ZHX3: variants seen among roughly 807,000 people sequenced by gnomAD.
The protein encoded by ZHX3 is zinc fingers and homeoboxes protein 3.
A neutral mutation model predicts 64.5 loss-of-function variants in ZHX3; 20 were observed. That is an observed-to-expected ratio of 0.31 (90% CI 0.22 to 0.45). ZHX3 has a LOEUF of 0.45. Ranked by LOEUF, ZHX3 falls within the 20% of genes least tolerant of loss-of-function variation. The pLI, the probability that ZHX3 is intolerant of heterozygous loss-of-function variation, is 1.00. For missense variants in ZHX3, 1,041 were observed against 1,195.8 expected (o/e 0.87, Z 1.91); for synonymous variants, 423 against 461.6 (o/e 0.92, Z 1.07).
intron 1 of ZHX3, among the ~76,000 whole-genome samples, chr20:41,276,435 T>G (rs1019991548): frequency 1.3e-5 from 2 of 152,134 alleles, no homozygotes; most frequent in Admixed American, 1.3e-4. Flanking sequence ...CTCAGTATAG[T>G]CAAGGCTCAG....
chr20:41,214,606 C>T (rs1382462674), intron 2 of ZHX3, among the ~76,000 whole-genome samples: 1 of 152,202 alleles, frequency 6.6e-6, no homozygotes, highest in Non-Finnish European at 1.5e-5. Context: ...CCCATATCCC[C>T]ACCACCTGGA....
chr20:41,188,677 A>G (rs968336017), intron 3 of ZHX3: 1 of 152,104 alleles, frequency 6.6e-6, no homozygotes. Context: ...TTGGGATTAT[A>G]GGTGTTAGCC....
At chr20:41,314,057 C>T (rs1257916349) in intron 1 of ZHX3, among the ~76,000 whole-genome samples, 4 of 152,156 alleles carry the variant, frequency 2.6e-5, no homozygotes, top group African/African-American at 9.6e-5. Flanking sequence ...TAAGAAGCAA[C>T]TGTTTTTTTC....
At chr20:41,284,189 C>A (rs1314525960) in intron 1 of ZHX3, among the ~76,000 whole-genome samples, 1 of 152,088 alleles carries the variant, frequency 6.6e-6, no homozygotes, top group African/African-American at 2.4e-5. Flanking sequence ...AGCTGTTTAC[C>A]AAATAAATGC....
chr20:41,209,359 A>C (rs948922327), intron 2 of ZHX3, among the ~76,000 whole-genome samples: 97 of 152,254 alleles, frequency 6.4e-4, no homozygotes, highest in Admixed American at 5.0e-3. Context: ...CATATGGAAC[A>C]AAAAAAGAGC....
intron 2 of ZHX3, among the ~76,000 whole-genome samples, chr20:41,264,415 C>T (rs1278402294): frequency 2.0e-5 from 3 of 148,758 alleles, no homozygotes; most frequent in South Asian, 4.3e-4. Context: ...AAAAGTTAGC[C>T]GGGCATGGTG....
At chr20:41,306,741 G>T (rs2044991384) in intron 1 of ZHX3, among the ~76,000 whole-genome samples, 1 of 152,236 alleles carries the variant, frequency 6.6e-6, no homozygotes, top group Non-Finnish European at 1.5e-5. Flanking sequence ...TAAACAAAAA[G>T]GAAATGCTAT....
At position 41,204,624 on chromosome 20, in the gene ZHX3, G is replaced by A; in HGVS notation, c.293C>T (p.Ser98Leu). ...DMTQFVGHMN[S>L]EHTDFNKDPT... ...GTCTTTATTAAAGTCTGTGTGCTCT[G>A]AGTTCATATGTCCCACAAATTGGGT... Residue 98 changes from serine to leucine, a missense_variant, in exon 3 of 4, where the codon TCA becomes TTA. Ser to Leu is a moderately radical substitution (Grantham distance 145). Coordinates refer to ENST00000683867, the MANE Select transcript of ZHX3 (RefSeq NM_001384317.1). This position sits in a 1 kb window ranked among gnomAD's most constrained non-coding sequence, Gnocchi z 6.6. 6.2e-7 allele frequency: 1 copy of A among 1,614,252 alleles called. No homozygotes were observed. The highest frequency in any genetic ancestry group is 8.5e-7 in the Non-Finnish European group (1 of 1,180,050).
In ZHX3 at chr20:41,226,736, C is replaced by A. The variant is rs1333376459; in HGVS notation, c.-150-21670G>T. Among the ~76,000 whole-genome samples the A allele has an allele frequency of 6.6e-6, 1 of 152,110 alleles. No homozygotes were observed. The highest frequency in any genetic ancestry group is 6.5e-5 in the Admixed American group (1 of 15,276). On this transcript the variant is annotated intron_variant, in intron 2 of 3. Transcript: ENST00000683867. This position sits in a 1 kb window ranked among gnomAD's most constrained non-coding sequence, Gnocchi z 4.4. ...CTATTTTCAAGTGAATTCAACAGGT[C>A]AAATTTAAAATTTATTTTACTTGTC...
Position 41,204,781 on chromosome 20 carries a change from A to T in ZHX3, c.136T>A (p.Ser46Thr). Residue 46 changes from serine to threonine, a missense_variant, in exon 3 of 4, where the codon TCT becomes ACT. Ser to Thr is a moderately conservative substitution (Grantham distance 58, BLOSUM62 1). Around this residue, in one of 4 missense-constraint regions of ZHX3, gnomAD observed 358 missense variants for 369.1 expected, o/e 0.97. Transcript: ENST00000683867. This position sits in a 1 kb window ranked among gnomAD's most constrained non-coding sequence, Gnocchi z 6.6. Reference sequence around the variant, plus strand: ...TGTGCTGCCTCACTGCTGGCAGCAGATGCTTCTGGGGGCAGATCCTGCTGG... The same window carrying T: ...TGTGCTGCCTCACTGCTGGCAGCAGTTGCTTCTGGGGGCAGATCCTGCTGG... ...GPQQDLPPEA[S>T]AASSEAAQNP... The T allele has an allele frequency of 1.2e-6, 2 of 1,614,016 alleles. No individual in the cohort carries two copies. The highest frequency in any genetic ancestry group is 1.7e-6 in the Non-Finnish European group (2 of 1,179,870).
At chr20:41,283,823 T>C (rs1175880119) in intron 1 of ZHX3, among the ~76,000 whole-genome samples, 1 of 152,028 alleles carries the variant, frequency 6.6e-6, no homozygotes, top group East Asian at 1.9e-4. Flanking sequence ...GATCACACTC[T>C]CCAGTCTCCA....
intron 1 of ZHX3, among the ~76,000 whole-genome samples, chr20:41,316,523 T>C (rs1279163869): frequency 6.6e-6 from 1 of 152,252 alleles, no homozygotes; most frequent in Non-Finnish European, 1.5e-5. Context: ...TGGAAACTAC[T>C]GTAATCCTTT....
intron 3 of ZHX3, among the ~76,000 whole-genome samples, chr20:41,197,874 T>C (rs1403689229): frequency 2.6e-5 from 4 of 152,158 alleles, no homozygotes; most frequent in African/African-American, 9.7e-5. Flanking sequence ...CCCATTAATA[T>C]AGATTTATAA....
chr20:41,201,996 A>AC lies in ZHX3; in HGVS notation c.2860+60dup, dbSNP rs1388500244. Reference sequence around the variant, plus strand: ...CCCTGTGCAGTAAATTCAGTGCCCAACCATAAGTGCCTCCTCCCCTTACCC... The same window carrying AC: ...CCCTGTGCAGTAAATTCAGTGCCCAACCCATAAGTGCCTCCTCCCCTTACCC... On this transcript the variant is annotated intron_variant, in intron 3 of 3. Transcript: ENST00000683867. The surrounding 1 kb of genome is among the most constrained non-coding windows in gnomAD (Gnocchi z 5.0). 8.0e-6 allele frequency: 12 copies of AC among 1,501,782 alleles called. No individual in the cohort carries two copies. The African/African-American group carries it at 1.7e-4, about 21-fold the overall frequency. The allele number at this position is 1,501,782 out of a possible 1,614,324, so 93.0% of individuals were successfully genotyped here. A position where few individuals can be genotyped will look rare whatever the true frequency, so the allele number is the denominator to read the frequency against.
intron 1 of ZHX3, among the ~76,000 whole-genome samples, chr20:41,303,712 C>T (rs1461967882): frequency 6.6e-6 from 1 of 152,192 alleles, no homozygotes; most frequent in Admixed American, 6.5e-5. Context: ...TGTTCAAGCA[C>T]TTATCCTTTC....
At chr20:41,317,263 T>A (rs1046890544) in intron 1 of ZHX3, 1 of 151,082 alleles carries the variant, frequency 6.6e-6, no homozygotes, top group Non-Finnish European at 1.5e-5. Context: ...TGATGACAGA[T>A]GGCGGAGGGC....
chr20:41,205,615 C>T (rs2038642297), intron 2 of ZHX3, among the ~76,000 whole-genome samples: 1 of 152,174 alleles, frequency 6.6e-6, no homozygotes, highest in African/African-American at 2.4e-5. Context: ...AAGAGCCAGG[C>T]CTCTGTAGCC....
chr20:41,208,807 C>G (rs1358210429), intron 2 of ZHX3, among the ~76,000 whole-genome samples: 1 of 152,214 alleles, frequency 6.6e-6, no homozygotes, highest in Admixed American at 6.5e-5. Flanking sequence ...TCTCTCACCA[C>G]TCCTATTAAC....
Position 41,185,416 on chromosome 20 carries a change from C to T in ZHX3, c.2861-215G>A, listed in dbSNP as rs2036436983. On this transcript the variant is annotated intron_variant, in intron 3 of 3. Coordinates refer to ENST00000683867, the MANE Select transcript of ZHX3 (RefSeq NM_001384317.1). The surrounding 1 kb of genome is among the most constrained non-coding windows in gnomAD (Gnocchi z 5.0). ...TGCTGGCTCAACCTTGTAAGGCCAT[C>T]AGACTCTCTGAGAGACCCTGCTAAA... Among the ~76,000 whole-genome samples, 1 of 152,136 alleles carries T rather than the reference C, an allele frequency of 6.6e-6. No homozygotes were observed. The highest frequency in any genetic ancestry group is 2.4e-5 in the African/African-American group (1 of 41,408).
Sources: allele counts gnomAD v4.1 joint callset (sites outside exome capture counted in the v4.1 genomes callset), GRCh38; gene constraint gnomAD v4.1.1; regional missense constraint gnomAD v4.1.1; non-coding constraint Gnocchi (gnomAD v3.1); transcripts MANE v1.5; gene names NCBI Gene and HGNC (gene_info 2026-07-23, HGNC 2026-07-21).